The following TMEM175 variants were observed in gnomAD, a reference collection of about 807,000 sequenced individuals.
The protein encoded by TMEM175 is transmembrane protein 175, also known as endosomal/lysosomal proton channel TMEM175.
Under a neutral mutation model 36.5 loss-of-function variants are expected in TMEM175, and 36 were observed. The ratio of observed to expected loss-of-function variants is 0.99; its 90% confidence interval spans 0.76 to 1.30. TMEM175 has a LOEUF of 1.30. Among genes scored for constraint, TMEM175 ranks in the 50% most tolerant of loss-of-function variants. The pLI, the probability that TMEM175 is intolerant of heterozygous loss-of-function variation, is 0.00. For missense variants in TMEM175, 705 were observed against 692.8 expected (o/e 1.02, Z -0.20); for synonymous variants, 339 against 313.4 (o/e 1.08, Z -0.86).
intron 1 of TMEM175, among the ~76,000 whole-genome samples, chr4:945,087 A>C (rs1386068978): frequency 6.6e-6 from 1 of 152,188 alleles, no homozygotes; most frequent in African/African-American, 2.4e-5. Flanking sequence ...TGGGCAACAG[A>C]CTGAGACCCT....
chr4:952,200 A>C (rs1728976183), intron 6 of TMEM175, among the ~76,000 whole-genome samples, 167 bp from the exon 7 acceptor site: 1 of 152,092 alleles, frequency 6.6e-6, no homozygotes, highest in Non-Finnish European at 1.5e-5. Context: ...GGGTGGGGGC[A>C]GTTTGGACAC....
At chr4:951,771 T>G in intron 6 of TMEM175, 54 bp downstream of exon 6, 10 of 1,589,062 alleles carry the variant, frequency 6.3e-6, no homozygotes, top group Non-Finnish European at 8.6e-6. Flanking sequence ...ACCACTGGAT[T>G]TGACCTGTCC....
chr4:935,110 T>C lies in TMEM175; in HGVS notation c.-32+2570T>C, dbSNP rs533286387. Among the ~76,000 whole-genome samples, 4 of 152,366 alleles carry C rather than the reference T, an allele frequency of 2.6e-5. No individual in the cohort carries two copies. In the South Asian group the frequency reaches 8.3e-4, roughly 32 times the overall value. On this transcript the variant is annotated intron_variant, in intron 1 of 10. Coordinates refer to ENST00000264771, the MANE Select transcript of TMEM175 (RefSeq NM_032326.4). Reference sequence around the variant, plus strand: ...GCATGAGAGCGTTTAAGCACTCATCTGGAGGCCATGAACTTATACTGGCAT... The same window carrying C: ...GCATGAGAGCGTTTAAGCACTCATCCGGAGGCCATGAACTTATACTGGCAT...
chr4:958,516 C>G lies in TMEM175; in HGVS notation c.*20C>G, dbSNP rs1269441287. ...TGCTAGCAGCCACAGAGCCCACTCC[C>G]AGCCGTCCTCACCAGAGATGGACCA... On this transcript the variant is annotated 3_prime_UTR_variant, in exon 11 of 11. Coordinates refer to ENST00000264771, the MANE Select transcript of TMEM175 (RefSeq NM_032326.4). 6 of 1,477,678 alleles carry G rather than the reference C, an allele frequency of 4.1e-6. No homozygotes were observed. Among genetic ancestry groups the G allele is most frequent in the Non-Finnish European group, 5.4e-6 (6 of 1,114,860 alleles). The allele number at this position is 1,477,678 out of a possible 1,614,324, so 91.5% of individuals were successfully genotyped here. A position where few individuals can be genotyped will look rare whatever the true frequency, so the allele number is the denominator to read the frequency against.
intron 4 of TMEM175, 53 bp from the exon 5 acceptor site, chr4:951,154 T>G (rs1481490215): frequency 1.3e-6 from 2 of 1,528,682 alleles, no homozygotes; most frequent in East Asian, 4.5e-5. Flanking sequence ...GTGTGTGCAT[T>G]TAATGTTACT....
intron 1 of TMEM175, among the ~76,000 whole-genome samples, chr4:943,585 C>T (rs938870728): frequency 6.6e-6 from 1 of 152,108 alleles, no homozygotes; most frequent in Non-Finnish European, 1.5e-5. Context: ...AAACTGAGTA[C>T]CAGAGGAGAT....
rs1173797389 is a variant in TMEM175, at chr4:947,871, G to A, written c.132G>A (p.Leu44=). The change falls in exon 2 of 11, where the codon CTG becomes CTA. Residue 44 remains leucine, a synonymous_variant. Transcript: ENST00000264771. ...TGCTCAGCTTCAGTGACGCCCTGCT[G>A]TCCATCATCGCCACCGTCATGGTCT... ...QRMLSFSDAL[L]SIIATVMILP... is the part of the protein sequence containing the mutation. The A allele has an allele frequency of 6.2e-7, 1 of 1,613,754 alleles. No homozygotes were observed.
At chr4:934,770 A>G (rs1351963523) in intron 1 of TMEM175, among the ~76,000 whole-genome samples, 1 of 152,224 alleles carries the variant, frequency 6.6e-6, no homozygotes, top group African/African-American at 2.4e-5. Flanking sequence ...TAATAAGATA[A>G]TTCTATCTTA....
In TMEM175 at chr4:958,424, G is replaced by GCC; in HGVS notation, c.1445_1446dup (p.Glu483ProfsTer?). On this transcript the variant is annotated frameshift_variant, in exon 11 of 11. Transcript: ENST00000264771. LOFTEE classifies it low-confidence loss of function (END_TRUNC). ...TGCGGGTCCTGCGGGGCCTCGCCCG[G>GCC]CCCGAACACCCCCCGCCAGCCCCCA... 6.3e-7 allele frequency: 1 copy of GCC among 1,595,906 alleles called. No individual in the cohort carries two copies. Among genetic ancestry groups the GCC allele is most frequent in the African/African-American group, 1.3e-5 (1 of 74,874 alleles).
At chr4:946,541 C>T (rs985098327) in intron 1 of TMEM175, among the ~76,000 whole-genome samples, 1 of 152,168 alleles carries the variant, frequency 6.6e-6, no homozygotes, top group African/African-American at 2.4e-5. Context: ...CGAGGCTGCC[C>T]AGCACCATGC....
At chr4:944,995 C>T (rs1356067871) in intron 1 of TMEM175, among the ~76,000 whole-genome samples, 1 of 152,080 alleles carries the variant, frequency 6.6e-6, no homozygotes, top group Admixed American at 6.6e-5. Context: ...CCCAGCAACA[C>T]AGGAGGCTGA....
chr4:945,750 G>T (rs1728065301), intron 1 of TMEM175, among the ~76,000 whole-genome samples: 1 of 152,058 alleles, frequency 6.6e-6, no homozygotes, highest in Admixed American at 6.6e-5. Flanking sequence ...GGGGGCTCTG[G>T]CTTGTCACCT....
In TMEM175 at chr4:952,457, G is replaced by A. The variant is rs1729019562; in HGVS notation, c.462+7G>A. 6 of 1,578,978 alleles carry A rather than the reference G, an allele frequency of 3.8e-6. 1 individual carries two copies. In the East Asian group the frequency reaches 1.4e-4, roughly 36 times the overall value. On this transcript the variant is annotated splice_region_variant and intron_variant, in intron 7 of 10. Transcript: ENST00000264771. Reference sequence around the variant, plus strand: ...CGCCATTGGGGTCGTGCAGGTAGGGGGCCTGGGGGGCCTGCACTGTGTGTG... The same window carrying A: ...CGCCATTGGGGTCGTGCAGGTAGGGAGCCTGGGGGGCCTGCACTGTGTGTG...
chr4:950,602 G>T lies in TMEM175; in HGVS notation c.290+84G>T, dbSNP rs1577424605. ...ACCACATCACGCACGGGTCCATGGG[G>T]TCGGGGAGGACAGCAGGCTACTCCT... On this transcript the variant is annotated intron_variant, in intron 4 of 10. Transcript: ENST00000264771. The T allele has an allele frequency of 4.7e-6, 5 of 1,069,218 alleles. No individual in the cohort carries two copies. In the East Asian group the frequency reaches 7.1e-5, roughly 15 times the overall value. The allele number at this position is 1,069,218 out of a possible 1,614,324, so 66.2% of individuals were successfully genotyped here.
intron 5 of TMEM175, 125 bp from the exon 6 acceptor site, chr4:951,557 C>CA (rs1410428628): frequency 2.2e-5 from 28 of 1,277,904 alleles, no homozygotes; most frequent in Middle Eastern, 3.8e-4. Flanking sequence ...GGGCTGGACT[C>CA]ACACTCGCTG....
rs766684720 is a variant in TMEM175 at position 958,361 on chromosome 4, G to C, written c.1380G>C (p.Leu460=). Residue 460 remains leucine (L), a synonymous_variant, in exon 11 of 11, where the codon CTG becomes CTC. Transcript: ENST00000264771. ...AGATCGCCGTGCCCTGCGCCTTCCT[G>C]TTGCTGCGCCTGCTCGTGGGCCTGG... ...LMQIAVPCAF[L]LLRLLVGLAL... The C allele has an allele frequency of 6.2e-7, 1 of 1,603,546 alleles. No homozygotes were observed. The highest frequency in any genetic ancestry group is 1.7e-5 in the Admixed American group (1 of 60,016).
intron 1 of TMEM175, among the ~76,000 whole-genome samples, chr4:943,520 G>C (rs1373086938): frequency 1.3e-5 from 2 of 152,164 alleles, no homozygotes; most frequent in African/African-American, 4.8e-5. Flanking sequence ...CCAAAGTTCT[G>C]GGATTACAGG....
intron 1 of TMEM175, among the ~76,000 whole-genome samples, chr4:947,347 C>T (rs17165168): frequency 0.036 from 5,519 of 152,244 alleles, 183 homozygotes; most frequent in East Asian, 0.16. Flanking sequence ...CACGCATGCA[C>T]GGTCAAGGGC....
At chr4:951,757 G>C in intron 6 of TMEM175, 40 bp downstream of exon 6, 1 of 1,604,542 alleles carries the variant, frequency 6.2e-7, no homozygotes, top group Non-Finnish European at 8.5e-7. Flanking sequence ...AGGCTTTGCT[G>C]GGCACCACTG....
Sources: gnomAD v4.1 joint callset for allele counts (sites outside exome capture counted in the v4.1 genomes callset) on GRCh38, gnomAD v4.1.1 for gene constraint, MANE v1.5 for transcripts, NCBI Gene and HGNC (gene_info 2026-07-23, HGNC 2026-07-21) for gene names.